The following DNAH7 variants were observed in gnomAD, a reference collection of about 807,000 sequenced individuals.
DNAH7 encodes the protein axonemal beta dynein heavy chain 7.
A neutral mutation model predicts 444.6 loss-of-function variants in DNAH7; 397 were observed. The ratio of observed to expected loss-of-function variants is 0.89; its 90% confidence interval spans 0.82 to 0.97. The LOEUF (loss-of-function observed/expected upper bound fraction) is 0.97, where lower values mean the gene tolerates loss of function less well. Among genes scored for constraint, DNAH7 ranks in the 50% least tolerant of loss-of-function variants. The pLI, the probability that DNAH7 is intolerant of heterozygous loss-of-function variation, is 0.00. For missense variants in DNAH7, 4,902 were observed against 4,800.8 expected (o/e 1.02, Z -0.62); for synonymous variants, 1,636 against 1,624.4 (o/e 1.01, Z -0.17).
At chr2:196,038,765 T>TA (rs893181685) in intron 5 of DNAH7, among the ~76,000 whole-genome samples, 1 of 151,848 alleles carries the variant, frequency 6.6e-6, no homozygotes, top group Non-Finnish European at 1.5e-5. Flanking sequence ...AGACTTTAAG[T>TA]AAAAAAACAT....
intron 60 of DNAH7, among the ~76,000 whole-genome samples, chr2:195,773,226 A>C (rs1198764684): frequency 6.6e-6 from 1 of 152,216 alleles, no homozygotes; most frequent in African/African-American, 2.4e-5. Flanking sequence ...TTATGATTCC[A>C]TAGTACCGGG....
intron 12 of DNAH7, among the ~76,000 whole-genome samples, chr2:195,998,333 G>A (rs761087275): frequency 2.0e-5 from 3 of 152,056 alleles, no homozygotes; most frequent in African/African-American, 7.2e-5. Flanking sequence ...CCAGCACTTT[G>A]GGAGGCAGAG....
intron 38 of DNAH7, 61 bp from the exon 39 acceptor site, chr2:195,873,755 A>G: frequency 8.0e-7 from 1 of 1,256,628 alleles, no homozygotes; most frequent in East Asian, 2.9e-5. Context: ...GTATTTTCTC[A>G]AATATTCTAT....
At chr2:195,911,427 A>C (rs1687352356) in intron 24 of DNAH7, among the ~76,000 whole-genome samples, 1 of 152,146 alleles carries the variant, frequency 6.6e-6, no homozygotes, top group Non-Finnish European at 1.5e-5. Context: ...AAAAGTTAAG[A>C]GACATAGAAG....
intron 52 of DNAH7, among the ~76,000 whole-genome samples, 157 bp from the exon 53 acceptor site, chr2:195,809,033 A>G (rs959951780): frequency 6.6e-6 from 1 of 152,250 alleles, no homozygotes; most frequent in African/African-American, 2.4e-5. Context: ...ATTTATTCAT[A>G]GGAAACCAGT....
chr2:195,892,906 A>T (rs1004419227), intron 30 of DNAH7: 2 of 138,478 alleles, frequency 1.4e-5, no homozygotes, highest in African/African-American at 6.4e-5. Flanking sequence ...ACAAACTACC[A>T]AACTGGAAAA....
At chr2:195,774,592 G>C (rs1299979249) in intron 60 of DNAH7, among the ~76,000 whole-genome samples, 1 of 152,228 alleles carries the variant, frequency 6.6e-6, no homozygotes, top group African/African-American at 2.4e-5. Context: ...ACTGGTAGGA[G>C]CCAGACCGCT....
intron 24 of DNAH7, among the ~76,000 whole-genome samples, chr2:195,921,230 A>C (rs1688002358): frequency 6.6e-6 from 1 of 152,200 alleles, no homozygotes; most frequent in Non-Finnish European, 1.5e-5. Context: ...AGAGGAAAAG[A>C]AGTTATTGTA....
intron 8 of DNAH7, among the ~76,000 whole-genome samples, chr2:196,019,643 T>C (rs1034451289): frequency 6.6e-6 from 1 of 152,240 alleles, no homozygotes; most frequent in East Asian, 1.9e-4. Flanking sequence ...GATTCTCTAC[T>C]AATTTCAGGA....
At chr2:195,982,111 C>G (rs1486754973) in intron 15 of DNAH7, among the ~76,000 whole-genome samples, 2 of 151,390 alleles carry the variant, frequency 1.3e-5, no homozygotes, top group Non-Finnish European at 3.0e-5. Flanking sequence ...CAGCACTATA[C>G]AAGGAGCTCA....
chr2:196,061,336 T>C (rs541582987), intron 1 of DNAH7, among the ~76,000 whole-genome samples: 1 of 152,230 alleles, frequency 6.6e-6, no homozygotes, highest in South Asian at 2.1e-4. Flanking sequence ...ATCTCCCCCG[T>C]ATTAACCTTT....
At chr2:195,794,085 A>G (rs1162495375) in intron 57 of DNAH7, among the ~76,000 whole-genome samples, 1 of 152,226 alleles carries the variant, frequency 6.6e-6, no homozygotes, top group Non-Finnish European at 1.5e-5. Context: ...GACTTTCTAA[A>G]TAGAAAGCTA....
chr2:196,028,343 T>C (rs1211133293), intron 5 of DNAH7, among the ~76,000 whole-genome samples: 3 of 152,196 alleles, frequency 2.0e-5, no homozygotes, highest in Admixed American at 1.3e-4. Flanking sequence ...CTCTCTTCTC[T>C]GAAATTATAA....
intron 58 of DNAH7, among the ~76,000 whole-genome samples, chr2:195,778,634 AAAT>A (rs1385781824): frequency 2.8e-4 from 4 of 14,060 alleles, no homozygotes; most frequent in African/African-American, 8.0e-4. Context: ...AAAAAAAAAT[AAAT>A]AAATAAATAT....
At chr2:195,994,047 G>A (rs1035114801) in intron 12 of DNAH7, among the ~76,000 whole-genome samples, 5 of 152,152 alleles carry the variant, frequency 3.3e-5, no homozygotes, top group Non-Finnish European at 5.9e-5. Context: ...TTTTCCCAAG[G>A]GAGCCTGCAA....
At chr2:196,042,506 C>T (rs778789014) in intron 5 of DNAH7, among the ~76,000 whole-genome samples, 2 of 151,868 alleles carry the variant, frequency 1.3e-5, no homozygotes, top group African/African-American at 2.4e-5. Context: ...CCAATGCATA[C>T]AGCAGCAGCA....
intron 27 of DNAH7, 100 bp downstream of exon 27, chr2:195,906,559 G>A (rs1040964078): frequency 1.7e-6 from 2 of 1,164,688 alleles, no homozygotes; most frequent in African/African-American, 3.3e-5. Flanking sequence ...CTCCTAAAGT[G>A]CTAGGATTAT....
chr2:195,809,772 G>T lies in DNAH7; in HGVS notation c.9861C>A (p.Thr3287=). The stretch of plus-strand genomic sequence containing the variant: ...CCCGCTCATGCAGCAGTAGATTTAT[G>T]GTTAGACAAAAGGAAAAGAGCAGCT... The part of the protein sequence containing the change: ...KDKLLFSFCL[T]INLLLHERAI... The change falls in exon 52 of 65, where the codon ACC becomes ACA. Residue 3287 remains threonine, a synonymous_variant. Coordinates refer to ENST00000312428, the MANE Select transcript of DNAH7 (RefSeq NM_018897.3). 2 of 1,598,864 alleles carry T rather than the reference G, an allele frequency of 1.3e-6. No individual in the cohort carries two copies. The highest frequency in any genetic ancestry group is 1.1e-5 in the South Asian group (1 of 88,446).
chr2:196,024,307 A>C (rs924280224), intron 8 of DNAH7, 122 bp downstream of exon 8: 3 of 589,344 alleles, frequency 5.1e-6, no homozygotes, highest in Non-Finnish European at 8.1e-6. Context: ...AAATACATAC[A>C]TACACACATA....
Sources: allele counts gnomAD v4.1 joint callset (sites outside exome capture counted in the v4.1 genomes callset), GRCh38; gene constraint gnomAD v4.1.1; transcripts MANE v1.5; gene names NCBI Gene and HGNC (gene_info 2026-07-23, HGNC 2026-07-21).